The following PTER variants were observed in gnomAD, a reference collection of about 807,000 sequenced individuals.
PTER encodes N-acetyltaurine hydrolase.
A neutral mutation model predicts 29.6 loss-of-function variants in PTER; 38 were observed. That is an observed-to-expected ratio of 1.28 (90% confidence interval 0.99 to 1.68). PTER has a LOEUF of 1.68. PTER is among the 40% of genes most tolerant of loss of function. The pLI is 0.00. For missense variants in PTER, 482 were observed against 427.8 expected (o/e 1.13, Z -1.12); for synonymous variants, 172 against 154.5 (o/e 1.11, Z -0.84).
At position 16,484,580 on chromosome 10, in the gene PTER, TCCC is replaced by T; in HGVS notation, c.197_199del (p.Ser66_His67delinsTyr). 6.2e-6 allele frequency: 10 copies of T among 1,613,990 alleles called. No homozygotes were observed. The highest frequency in any genetic ancestry group is 8.5e-6 in the Non-Finnish European group (10 of 1,179,980). On this transcript the variant is annotated inframe_deletion, in exon 2 of 5. Coordinates refer to ENST00000535784, the MANE Select transcript of PTER (RefSeq NM_001261836.2). ...ATATTGGATTCAGAAAAACGCCTAT[TCCC>T]ATAAAGAAAACCTTCAATTAAATCA...
intron 4 of PTER, among the ~76,000 whole-genome samples, chr10:16,509,170 A>G (rs749724395): frequency 1.1e-4 from 17 of 151,870 alleles, no homozygotes; most frequent in African/African-American, 7.3e-5. Context: ...CATCTCTGTA[A>G]CTCCTGTTCT....
At chr10:16,514,737 G>A (rs764152601), downstream of PTER, 67 of 1,542,746 alleles carry the variant, frequency 4.3e-5, 1 homozygote, top group Middle Eastern at 3.5e-4. Flanking sequence ...ATTAGGATGC[G>A]TAAATGAGAA....
At chr10:16,437,688 C>A (rs1191640919) in intron 1 of PTER, among the ~76,000 whole-genome samples, 5 of 152,148 alleles carry the variant, frequency 3.3e-5, no homozygotes, top group Admixed American at 2.6e-4. Flanking sequence ...CCTGTGCACT[C>A]TTGCTTAATC....
At chr10:16,489,011 T>C (rs1466222929) in intron 3 of PTER, among the ~76,000 whole-genome samples, 1 of 152,214 alleles carries the variant, frequency 6.6e-6, no homozygotes, top group Non-Finnish European at 1.5e-5. Flanking sequence ...TTAAATACTG[T>C]TTCACTCACA....
chr10:16,496,604 C>T (rs1172051554), intron 3 of PTER, among the ~76,000 whole-genome samples: 1 of 152,234 alleles, frequency 6.6e-6, no homozygotes, highest in Non-Finnish European at 1.5e-5. Context: ...TTTGATATCT[C>T]CTTCTCTTTG....
intron 1 of PTER, among the ~76,000 whole-genome samples, chr10:16,474,868 CAA>C (rs571275248): frequency 2.2e-4 from 34 of 152,268 alleles, no homozygotes; most frequent in African/African-American, 7.5e-4. Context: ...GCCTGGGTGA[CAA>C]AGTGAGACTC....
At chr10:16,454,202 C>A (rs144372539) in intron 1 of PTER, among the ~76,000 whole-genome samples, 1 of 152,132 alleles carries the variant, frequency 6.6e-6, no homozygotes, top group Non-Finnish European at 1.5e-5. Context: ...ACTTCTAATC[C>A]ATTTTTGAAA....
chr10:16,455,406 A>C (rs76482029), intron 1 of PTER, among the ~76,000 whole-genome samples: 3,462 of 152,124 alleles, frequency 0.023, 64 homozygotes, highest in Non-Finnish European at 0.028. Context: ...GTCAGTGACA[A>C]ATTAACAGGT....
intron 1 of PTER, among the ~76,000 whole-genome samples, chr10:16,467,080 G>C (rs1834863412): frequency 6.6e-6 from 1 of 152,110 alleles, no homozygotes; most frequent in Non-Finnish European, 1.5e-5. Flanking sequence ...TCAAGATTCT[G>C]GCTCTTACAC....
chr10:16,482,954 G>C (rs1461806988), intron 1 of PTER, among the ~76,000 whole-genome samples: 1 of 152,016 alleles, frequency 6.6e-6, no homozygotes, highest in Non-Finnish European at 1.5e-5. Context: ...GCAAATTTTT[G>C]TATTTTTAGT....
chr10:16,516,429 GT>G (rs1445979617), downstream of PTER, among the ~76,000 whole-genome samples: 1 of 151,880 alleles, frequency 6.6e-6, no homozygotes, highest in Non-Finnish European at 1.5e-5. Context: ...TATGACTTGT[GT>G]TTTTTTCTCA....
chr10:16,440,158 CA>C (rs1833796343), intron 1 of PTER, among the ~76,000 whole-genome samples: 1 of 150,612 alleles, frequency 6.6e-6, no homozygotes, highest in South Asian at 2.1e-4. Flanking sequence ...CTCTGCCTCC[CA>C]GGTTTAAGTG....
At chr10:16,452,351 C>T (rs1199305776) in intron 1 of PTER, among the ~76,000 whole-genome samples, 9 of 150,574 alleles carry the variant, frequency 6.0e-5, no homozygotes, top group Non-Finnish European at 1.3e-4. Flanking sequence ...GGCTGGAGTG[C>T]AGTGGCATGA....
intron 1 of PTER, among the ~76,000 whole-genome samples, chr10:16,455,601 G>C (rs1011460748): frequency 1.3e-5 from 2 of 152,122 alleles, no homozygotes; most frequent in Non-Finnish European, 2.9e-5. Context: ...TGAGCGAGGT[G>C]GATCACTTGT....
At chr10:16,494,930 G>A (rs1481395800) in intron 3 of PTER, among the ~76,000 whole-genome samples, 1 of 151,350 alleles carries the variant, frequency 6.6e-6, no homozygotes, top group Admixed American at 6.6e-5. Context: ...TTAGAGTATA[G>A]TAAATTAGGT....
chr10:16,487,946 C>T (rs1588618602), intron 3 of PTER, among the ~76,000 whole-genome samples: 1 of 152,066 alleles, frequency 6.6e-6, no homozygotes, highest in Admixed American at 6.6e-5. Context: ...GACCACTACA[C>T]TCCAGCCTAG....
chr10:16,475,147 G>A (rs1306858229), intron 1 of PTER, among the ~76,000 whole-genome samples: 1 of 152,098 alleles, frequency 6.6e-6, no homozygotes. Flanking sequence ...TGTTACTGGG[G>A]ATTAGGATTT....
intron 1 of PTER, among the ~76,000 whole-genome samples, chr10:16,445,438 A>T (rs1833983245): frequency 6.6e-6 from 1 of 152,196 alleles, no homozygotes. Flanking sequence ...GAAAATTATT[A>T]TTGAAACCCT....
intron 1 of PTER, among the ~76,000 whole-genome samples, chr10:16,464,498 T>C (rs1418121372): frequency 1.3e-5 from 2 of 152,202 alleles, no homozygotes; most frequent in East Asian, 3.8e-4. Flanking sequence ...CGTCTCCTGG[T>C]CTCTGGTTTC....
Sources: allele counts gnomAD v4.1 joint callset (sites outside exome capture counted in the v4.1 genomes callset), GRCh38; gene constraint gnomAD v4.1.1; transcripts MANE v1.5; gene names NCBI Gene and HGNC (gene_info 2026-07-23, HGNC 2026-07-21).